The following ZFP91 variants were observed in gnomAD, a reference collection of about 807,000 sequenced individuals.
The protein encoded by ZFP91 is ZFP91 zinc finger protein, atypical E3 ubiquitin ligase, also known as E3 ubiquitin-protein ligase ZFP91.
Under a neutral mutation model 63.5 loss-of-function variants are expected in ZFP91, and 7 were observed. The ratio of observed to expected loss-of-function variants is 0.11; its 90% CI spans 0.06 to 0.21. ZFP91 has a LOEUF of 0.21. Ranked by LOEUF, ZFP91 falls within the 10% of genes least tolerant of loss-of-function variation. The pLI is 1.00. For missense variants in ZFP91, 628 were observed against 736.6 expected, an observed-to-expected ratio of 0.85 and a Z score of 1.71; for synonymous variants, 330 against 272.1, an observed-to-expected ratio of 1.21 and a Z score of -2.10.
chr11:58,589,936 T>G (rs1026844926), intron 2 of ZFP91, among the ~76,000 whole-genome samples: 2 of 152,174 alleles, frequency 1.3e-5, no homozygotes, highest in African/African-American at 4.8e-5. Context: ...GGTAAATGAG[T>G]CTTAACTTTA....
chr11:58,615,610 T>G (rs963660403), intron 9 of ZFP91, among the ~76,000 whole-genome samples: 3 of 152,194 alleles, frequency 2.0e-5, no homozygotes, highest in African/African-American at 7.2e-5. Context: ...GGACATGACC[T>G]GGGAGATGCT....
At chr11:58,602,405 A>T (rs1286992040) in intron 2 of ZFP91, among the ~76,000 whole-genome samples, 1 of 151,872 alleles carries the variant, frequency 6.6e-6, no homozygotes, top group Non-Finnish European at 1.5e-5. Flanking sequence ...TCAGTTCTGT[A>T]AATCTTTGCT....
rs796591750 is a variant in ZFP91, at chr11:58,585,993, AT to A, written c.370+1122del. Among the ~76,000 whole-genome samples the A allele has an allele frequency of 2.4e-3, 338 of 143,236 alleles. 4 individuals carry two copies. The highest frequency in any genetic ancestry group is 1.8e-3 in the South Asian group (8 of 4,554). The allele number at this position is 143,236 out of a possible 152,430, so 94.0% of individuals were successfully genotyped here. On this transcript the variant is annotated intron_variant, in intron 2 of 10. Coordinates refer to ENST00000316059, the MANE Select transcript of ZFP91 (RefSeq NM_053023.5). ...CAGGCAGAGGTTTTTCATACCTGGC[AT>A]TTTTTTTTTTTTATTTAGAAACCTT...
intron 9 of ZFP91, 61 bp downstream of exon 9, chr11:58,614,404 G>C: frequency 8.2e-7 from 1 of 1,218,016 alleles, no homozygotes; most frequent in Non-Finnish European, 1.2e-6. Context: ...TTGCATGTTG[G>C]TAATGATAAC....
rs1276353657 is a variant in ZFP91 at position 58,579,587 on chromosome 11, G to A, written c.306G>A (p.Pro102=). 6 of 1,582,042 alleles carry A rather than the reference G, an allele frequency of 3.8e-6. No homozygotes were observed. The highest frequency in any genetic ancestry group is 1.8e-5 in the Admixed American group (1 of 56,530). The part of the protein sequence containing the change: ...PGQQPQAAKS[P]SPVQGKKSPR... The stretch of plus-strand genomic sequence containing the variant: ...AGCAGCCCCAGGCCGCGAAGTCCCC[G>A]TCTCCAGTTCAGGGCAAGAAGAGTC... Residue 102 remains proline (P), a synonymous_variant, in exon 1 of 11, where the codon CCG becomes CCA. Coordinates refer to ENST00000316059, the MANE Select transcript of ZFP91 (RefSeq NM_053023.5).
intron 6 of ZFP91, 47 bp downstream of exon 6, chr11:58,611,785 A>T: frequency 1.9e-6 from 3 of 1,558,912 alleles, no homozygotes; most frequent in Non-Finnish European, 2.6e-6. Flanking sequence ...ATTTTGAACG[A>T]CTAGTGGAAA....
chr11:58,613,349 A>G (rs1216482493), intron 8 of ZFP91, among the ~76,000 whole-genome samples: 2 of 152,130 alleles, frequency 1.3e-5, no homozygotes, highest in African/African-American at 2.4e-5. Context: ...ATATCAACCC[A>G]TTTATATAAG....
intron 2 of ZFP91, among the ~76,000 whole-genome samples, chr11:58,604,833 G>A (rs959978032): frequency 6.6e-6 from 1 of 152,208 alleles, no homozygotes. Context: ...GAAGCCAAAA[G>A]ATTGGACAAC....
intron 2 of ZFP91, among the ~76,000 whole-genome samples, chr11:58,600,196 T>C (rs966958768): frequency 2.5e-5 from 3 of 120,096 alleles, no homozygotes; most frequent in African/African-American, 9.5e-5. Flanking sequence ...CTGTGAACTT[T>C]AGGATTGGGT....
intron 5 of ZFP91, 146 bp downstream of exon 5, chr11:58,611,200 T>G (rs1158161336): frequency 1.6e-6 from 1 of 619,508 alleles, no homozygotes; most frequent in African/African-American, 1.8e-5. Flanking sequence ...TTTGTAAGTC[T>G]AACACCTTAA....
intron 2 of ZFP91, among the ~76,000 whole-genome samples, chr11:58,601,366 T>C (rs995475472): frequency 6.6e-6 from 1 of 152,250 alleles, no homozygotes; most frequent in African/African-American, 2.4e-5. Flanking sequence ...TGATTTCATC[T>C]ATGTTATTTG....
At chr11:58,597,050 C>T (rs1347248393) in intron 2 of ZFP91, among the ~76,000 whole-genome samples, 1 of 152,160 alleles carries the variant, frequency 6.6e-6, no homozygotes, top group Admixed American at 6.6e-5. Context: ...TAACCAGGGG[C>T]ATTGTCCAAT....
chr11:58,586,241 C>T (rs945741672), intron 2 of ZFP91, among the ~76,000 whole-genome samples: 2 of 152,104 alleles, frequency 1.3e-5, no homozygotes, highest in Non-Finnish European at 2.9e-5. Flanking sequence ...CTTACGTGTC[C>T]AAAGAAATCA....
chr11:58,616,686 A>G (rs1855754013), intron 9 of ZFP91, 30 bp from the exon 10 acceptor site: 1 of 1,591,734 alleles, frequency 6.3e-7, no homozygotes, highest in South Asian at 1.1e-5. Flanking sequence ...GTATCTAAAT[A>G]GAACACTAAC....
chr11:58,581,573 T>C (rs1311382027), intron 1 of ZFP91, among the ~76,000 whole-genome samples: 1 of 152,202 alleles, frequency 6.6e-6, no homozygotes, highest in Admixed American at 6.5e-5. Flanking sequence ...ATTGGCCGGG[T>C]TGGTCTCCAA....
chr11:58,586,270 C>T (rs1050389576), intron 2 of ZFP91, among the ~76,000 whole-genome samples: 10 of 152,098 alleles, frequency 6.6e-5, no homozygotes, highest in Non-Finnish European at 1.0e-4. Context: ...TGCCTTGAGG[C>T]GAACTTGAAG....
At chr11:58,580,784 T>C (rs1262417502) in intron 1 of ZFP91, among the ~76,000 whole-genome samples, 1 of 152,252 alleles carries the variant, frequency 6.6e-6, no homozygotes, top group Non-Finnish European at 1.5e-5. Flanking sequence ...TTTTTGAATG[T>C]CAGCTAAGTT....
At chr11:58,615,657 C>G (rs1855738388) in intron 9 of ZFP91, among the ~76,000 whole-genome samples, 1 of 152,070 alleles carries the variant, frequency 6.6e-6, no homozygotes, top group African/African-American at 2.4e-5. Flanking sequence ...GTTTTTAGAC[C>G]TTGCTATATA....
At chr11:58,610,459 G>T (rs1855641553) in intron 4 of ZFP91, 125 bp downstream of exon 4, 3 of 861,496 alleles carry the variant, frequency 3.5e-6, no homozygotes, top group Non-Finnish European at 5.1e-6. Context: ...CTTCAGTTTT[G>T]ATACTGCATT....
Sources: gnomAD v4.1 joint callset for allele counts (sites outside exome capture counted in the v4.1 genomes callset) on GRCh38, gnomAD v4.1.1 for gene constraint, MANE v1.5 for transcripts, NCBI Gene and HGNC (gene_info 2026-07-23, HGNC 2026-07-21) for gene names.